The following FRMPD4 variants were observed in gnomAD, a reference collection of about 807,000 sequenced individuals.
FRMPD4 encodes the protein FERM and PDZ domain containing 4.
Under a neutral mutation model 94.1 loss-of-function variants are expected in FRMPD4, and 22 were observed. The ratio of observed to expected loss-of-function variants is 0.23; its 90% confidence interval spans 0.17 to 0.33. The LOEUF is 0.33. Ranked by LOEUF, FRMPD4 falls within the 10% of genes least tolerant of loss-of-function variation. The pLI, the probability that FRMPD4 is intolerant of heterozygous loss-of-function variation, is 1.00. For missense variants in FRMPD4, 1,111 were observed against 1,339.9 expected, an observed-to-expected ratio of 0.83 and a Z score of 2.67; for synonymous variants, 631 against 548.6, an observed-to-expected ratio of 1.15 and a Z score of -2.10.
Position 12,710,414 on chromosome X carries a change from A to G in FRMPD4, c.1486A>G (p.Met496Val). The change falls in exon 14 of 17, where the codon ATG (methionine) becomes GTG (valine). Residue 496 changes from methionine (M) to valine (V), a missense_variant. Coordinates refer to ENST00000675598, the MANE Select transcript of FRMPD4 (RefSeq NM_001368397.1). ...TTTTGTGTAGCCTATCACGCTTCTG[A>G]TGGAATCCTCAGATGCCATGAACCT... ...VLDVKPITLLMESSDAMNLAC... is the reference protein window; with the variant it reads ...VLDVKPITLLVESSDAMNLAC... 1 of 1,205,741 alleles carries G rather than the reference A, an allele frequency of 8.3e-7. No individual in the cohort carries two copies. The highest frequency in any genetic ancestry group is 2.3e-4 in the Middle Eastern group (1 of 4,327).
At chrX:12,211,627 T>C (rs753699860) in intron 1 of FRMPD4, among the ~76,000 whole-genome samples, 14 of 112,317 alleles carry the variant, frequency 1.2e-4, no homozygotes, top group African/African-American at 3.6e-4. Flanking sequence ...CAAATTCTAC[T>C]TAAATAATCA....
chrX:12,382,472 CTAGCATAGCATAGCATAGCA>C (rs201285510), intron 1 of FRMPD4, among the ~76,000 whole-genome samples: 8 of 80,889 alleles, frequency 9.9e-5, no homozygotes, highest in African/African-American at 2.6e-4. Flanking sequence ...GGTGACTCTC[CTAGCATAGCATAGCATAGCA>C]TAGCATAGCA....
At chrX:11,854,469 C>T (rs2053642905) in intron 1 of FRMPD4, among the ~76,000 whole-genome samples, 1 of 112,005 alleles carries the variant, frequency 8.9e-6, no homozygotes, top group Non-Finnish European at 1.9e-5. Flanking sequence ...AAGGCAAGTC[C>T]CTTCTGCCTA....
intron 1 of FRMPD4, among the ~76,000 whole-genome samples, chrX:12,462,598 A>G (rs1431487455): frequency 8.9e-6 from 1 of 111,944 alleles, no homozygotes; most frequent in African/African-American, 3.2e-5. Context: ...CAATAAACCT[A>G]ACTAGACAAA....
At position 12,450,953 on chromosome X, in the gene FRMPD4, G is replaced by GA. The variant is rs1261769159; in HGVS notation, c.42-47716dup. Among the ~76,000 whole-genome samples the GA allele has an allele frequency of 3.6e-3, 358 of 99,960 alleles. 2 individuals carry two copies. The highest frequency in any genetic ancestry group is 0.027 in the South Asian group (57 of 2,117). The allele number at this position is 99,960 out of a possible 115,157, so 86.8% of individuals were successfully genotyped here. On this transcript the variant is annotated intron_variant, in intron 1 of 16. Coordinates refer to ENST00000675598, the MANE Select transcript of FRMPD4 (RefSeq NM_001368397.1). Reference sequence around the variant, plus strand: ...GCCAGTGGCCCCTCATCTTATTCAGGAAAAAAAAAAAGGCGAAGTCCTCAC... The same window carrying GA: ...GCCAGTGGCCCCTCATCTTATTCAGGAAAAAAAAAAAAGGCGAAGTCCTCAC...
chrX:11,992,463 C>A (rs2147398291), intron 3 of FRMPD4, among the ~76,000 whole-genome samples: 1 of 111,198 alleles, frequency 9.0e-6, no homozygotes, highest in East Asian at 2.8e-4. Flanking sequence ...TGTGGCTTAC[C>A]CAGAGTCCCC....
chrX:12,329,240 G>C (rs1405829967), intron 1 of FRMPD4, among the ~76,000 whole-genome samples: 4 of 111,809 alleles, frequency 3.6e-5, no homozygotes, highest in Non-Finnish European at 7.5e-5. Context: ...TCTCTGGAAT[G>C]GGGGGCCTTA....
intron 1 of FRMPD4, among the ~76,000 whole-genome samples, chrX:12,483,212 C>G (rs1484670228): frequency 8.9e-6 from 1 of 111,780 alleles, no homozygotes; most frequent in Non-Finnish European, 1.9e-5. Context: ...TTTAAGATGT[C>G]TACAGACAAC....
chrX:12,192,400 T>C, intron 1 of FRMPD4, among the ~76,000 whole-genome samples: 1 of 112,024 alleles, frequency 8.9e-6, no homozygotes, highest in East Asian at 2.8e-4. Flanking sequence ...CCAAGAGGTA[T>C]TTTGACACTT....
At chrX:12,377,203 A>G (rs1316791) in intron 1 of FRMPD4, among the ~76,000 whole-genome samples, 31,239 of 111,859 alleles carry the variant, frequency 0.28, 3,322 homozygotes, top group African/African-American at 0.31. Context: ...ACCAGGCTAG[A>G]AAGTTGGGGC....
chrX:11,971,236 A>G (rs1192970776), intron 3 of FRMPD4, among the ~76,000 whole-genome samples: 1 of 112,297 alleles, frequency 8.9e-6, no homozygotes, highest in Non-Finnish European at 1.9e-5. Flanking sequence ...CCAGGGAAAC[A>G]TGTTTTCTTT....
intron 2 of FRMPD4, among the ~76,000 whole-genome samples, chrX:12,578,631 C>G (rs1225613272): frequency 9.0e-6 from 1 of 111,417 alleles, no homozygotes; most frequent in Non-Finnish European, 1.9e-5. Context: ...TTATCTATAC[C>G]ACCAGCAAAA....
intron 5 of FRMPD4, among the ~76,000 whole-genome samples, chrX:12,679,194 C>T (rs749833542): frequency 1.9e-5 from 2 of 107,151 alleles, no homozygotes; most frequent in African/African-American, 7.2e-5. Flanking sequence ...TGGAGCAGGC[C>T]ACAAGTGCTG....
chrX:12,410,542 G>A lies in FRMPD4; in HGVS notation c.42-88138G>A, dbSNP rs60424654. Among the ~76,000 whole-genome samples, 92 of 111,372 alleles carry A rather than the reference G, an allele frequency of 8.3e-4. No homozygotes were observed. In the East Asian group the frequency reaches 0.023, roughly 28 times the overall value. Reference sequence around the variant, plus strand: ...CCTTTTATTATGGAGTCATAAAAGCGTAATGAAAGAAAGAGCTCCTAGCTG... The same window carrying A: ...CCTTTTATTATGGAGTCATAAAAGCATAATGAAAGAAAGAGCTCCTAGCTG... On this transcript the variant is annotated intron_variant, in intron 1 of 16. Transcript: ENST00000675598.
intron 3 of FRMPD4, among the ~76,000 whole-genome samples, chrX:11,956,842 G>A (rs530737969): frequency 1.8e-5 from 2 of 112,122 alleles, no homozygotes; most frequent in African/African-American, 3.2e-5. Context: ...GATCTGGTCC[G>A]CAGGTTTGTA....
intron 3 of FRMPD4, among the ~76,000 whole-genome samples, chrX:11,943,444 T>C (rs2054172970): frequency 9.0e-6 from 1 of 111,123 alleles, no homozygotes; most frequent in Admixed American, 9.6e-5. Context: ...GTAAGTTTAA[T>C]AGTATGGCAC....
chrX:12,548,741 GC>G (rs751117763), intron 2 of FRMPD4, among the ~76,000 whole-genome samples: 157 of 112,073 alleles, frequency 1.4e-3, no homozygotes, highest in African/African-American at 4.8e-3. Flanking sequence ...AACCGAAGGG[GC>G]CATAAACAAG....
At chrX:12,266,081 C>T (rs1423462565) in intron 1 of FRMPD4, among the ~76,000 whole-genome samples, 3 of 88,524 alleles carry the variant, frequency 3.4e-5, no homozygotes, top group African/African-American at 9.4e-5. Context: ...TGCAGTGAGC[C>T]GAGATCAAGC....
intron 2 of FRMPD4, among the ~76,000 whole-genome samples, chrX:12,599,661 A>G (rs1223985876): frequency 1.8e-5 from 2 of 111,837 alleles, no homozygotes; most frequent in Non-Finnish European, 3.8e-5. Flanking sequence ...GGGCTTTTCA[A>G]GGGCTGTGGT....
Sources: allele counts gnomAD v4.1 joint callset (sites outside exome capture counted in the v4.1 genomes callset), GRCh38; gene constraint gnomAD v4.1.1; transcripts MANE v1.5; gene names NCBI Gene and HGNC (gene_info 2026-07-23, HGNC 2026-07-21).